The following DHX15 variants were observed in gnomAD, a reference collection of about 807,000 sequenced individuals.
DHX15 encodes the protein DEAH-box helicase 15, also known as ATP-dependent RNA helicase DHX15.
In DHX15, 11 loss-of-function variants were observed where a neutral mutation model predicts 94.4. That is an observed-to-expected ratio of 0.12 (90% CI 0.07 to 0.19). The LOEUF is 0.19. Among genes scored for constraint, DHX15 ranks in the 10% least tolerant of loss-of-function variants. DHX15 has a pLI of 1.00. For synonymous variants in DHX15, 338 were observed against 329.9 expected, an observed-to-expected ratio of 1.02 and a Z score of -0.27; for missense variants, 304 against 988.5, an observed-to-expected ratio of 0.31 and a Z score of 9.29.
Position 24,576,297 on chromosome 4 carries a change from A to T in DHX15, c.453T>A (p.Val151=). The T allele has an allele frequency of 6.2e-7, 1 of 1,614,226 alleles. No individual in the cohort carries two copies. Among genetic ancestry groups the T allele is most frequent in the Non-Finnish European group, 8.5e-7 (1 of 1,180,040 alleles). ...CAACCAGTACAAAGGACTGATGTCT[A>T]ACCAGAATATCTGTAAACCTATCCT... ...EYKDRFTDIL[V]RHQSFVLVGE... The change falls in exon 2 of 14, where the codon GTT becomes GTA. Residue 151 remains valine, a synonymous_variant. Coordinates refer to ENST00000336812, the MANE Select transcript of DHX15 (RefSeq NM_001358.3).
chr4:24,556,130 C>CTTACTA (rs968732057), intron 4 of DHX15, 121 bp downstream of exon 4: 37 of 712,520 alleles, frequency 5.2e-5, no homozygotes, highest in Non-Finnish European at 7.4e-5. Flanking sequence ...CAAGAAGGTA[C>CTTACTA]TTACTAGTTC....
chr4:24,528,151 T>C, intron 13 of DHX15, 110 bp from the exon 14 acceptor site: 1 of 677,492 alleles, frequency 1.5e-6, no homozygotes. Flanking sequence ...AAGGCAAATC[T>C]ATGAATTCAA....
intron 3 of DHX15, 52 bp from the exon 4 acceptor site, chr4:24,556,462 C>A (rs1721740169): frequency 1.4e-6 from 2 of 1,453,154 alleles, no homozygotes; most frequent in South Asian, 1.4e-5. Context: ...CATTTTAAAA[C>A]CAAACTTCGT....
At chr4:24,568,531 A>G (rs1230369303) in intron 3 of DHX15, among the ~76,000 whole-genome samples, 1 of 152,204 alleles carries the variant, frequency 6.6e-6, no homozygotes, top group Non-Finnish European at 1.5e-5. Context: ...AAAATCTGTT[A>G]CTTGTCATTC....
chr4:24,582,028 C>G (rs968627179), intron 1 of DHX15, among the ~76,000 whole-genome samples: 6 of 152,062 alleles, frequency 3.9e-5, no homozygotes, highest in Non-Finnish European at 8.8e-5. Flanking sequence ...GTTTGTAAGA[C>G]TGACAAGCTT....
At chr4:24,541,258 A>G (rs1721303064) in intron 8 of DHX15, among the ~76,000 whole-genome samples, 1 of 152,162 alleles carries the variant, frequency 6.6e-6, no homozygotes, top group South Asian at 2.1e-4. Flanking sequence ...AAAAAATTTT[A>G]AAGATTCCAG....
intron 6 of DHX15, among the ~76,000 whole-genome samples, chr4:24,547,400 AAC>A (rs1438784719): frequency 6.6e-6 from 1 of 152,208 alleles, no homozygotes; most frequent in Non-Finnish European, 1.5e-5. Context: ...AAGGATTTAA[AAC>A]ACAAAAAGCA....
At chr4:24,575,954 A>G (rs187389042) in intron 2 of DHX15, among the ~76,000 whole-genome samples, 13 of 152,338 alleles carry the variant, frequency 8.5e-5, no homozygotes, top group African/African-American at 3.1e-4. Flanking sequence ...ACCAGAAAAC[A>G]AACTGTGGGT....
intron 5 of DHX15, among the ~76,000 whole-genome samples, chr4:24,553,277 C>T (rs988955346): frequency 2.6e-4 from 39 of 151,738 alleles, no homozygotes; most frequent in African/African-American, 7.5e-4. Flanking sequence ...GCCGAGATCG[C>T]GCCACTGCAC....
chr4:24,568,855 C>T (rs955872522), intron 3 of DHX15, among the ~76,000 whole-genome samples: 1 of 152,198 alleles, frequency 6.6e-6, no homozygotes, highest in Non-Finnish European at 1.5e-5. Flanking sequence ...GTCAATTATA[C>T]TGTAATTACC....
chr4:24,578,599 T>A (rs1044705224), intron 1 of DHX15, among the ~76,000 whole-genome samples: 7 of 152,174 alleles, frequency 4.6e-5, no homozygotes, highest in African/African-American at 1.7e-4. Context: ...TCTTGCTCCA[T>A]TACCCGGGTT....
In DHX15 at chr4:24,561,115, T is replaced by C. The variant is rs372983363; in HGVS notation, c.702-4705A>G. Among the ~76,000 whole-genome samples the C allele has an allele frequency of 3.2e-4, 49 of 152,332 alleles. 1 individual carries two copies. In the East Asian group the frequency reaches 7.3e-3, roughly 23 times the overall value. On this transcript the variant is annotated intron_variant, in intron 3 of 13. Transcript: ENST00000336812. ...CAGATGTGTATGCGTGAAAAAAATG[T>C]GTGTACAAGTTTGTAAGAGGATACG...
At chr4:24,542,104 G>A (rs755544039) in intron 7 of DHX15, 82 bp from the exon 8 acceptor site, 9 of 1,168,104 alleles carry the variant, frequency 7.7e-6, no homozygotes, top group Non-Finnish European at 1.1e-5. Flanking sequence ...AAAGCCCACA[G>A]TTAATTCCAA....
chr4:24,534,770 T>C (rs1198056380), intron 11 of DHX15, among the ~76,000 whole-genome samples: 1 of 152,158 alleles, frequency 6.6e-6, no homozygotes, highest in African/African-American at 2.4e-5. Context: ...TAATCAACTA[T>C]TGTCTCTAAT....
chr4:24,550,025 A>G (rs1721553728), intron 5 of DHX15, among the ~76,000 whole-genome samples: 1 of 143,772 alleles, frequency 7.0e-6, no homozygotes, highest in African/African-American at 2.6e-5. Context: ...CCCGGGACGC[A>G]GGAGGTTGCA....
chr4:24,582,853 G>A (rs1255573391), intron 1 of DHX15, among the ~76,000 whole-genome samples: 1 of 152,194 alleles, frequency 6.6e-6, no homozygotes, highest in Non-Finnish European at 1.5e-5. Context: ...AATGGTGGGG[G>A]AGGGTGATAG....
chr4:24,547,506 C>T (rs950290335), intron 6 of DHX15, among the ~76,000 whole-genome samples: 1 of 152,154 alleles, frequency 6.6e-6, no homozygotes, highest in Non-Finnish European at 1.5e-5. Context: ...CAAAGAAGAA[C>T]TCAATGAAAC....
chr4:24,565,860 ACAACCCTAT>A (rs1279533869), intron 3 of DHX15, among the ~76,000 whole-genome samples: 1 of 152,156 alleles, frequency 6.6e-6, no homozygotes, highest in African/African-American at 2.4e-5. Context: ...TGATCTCAGA[ACAACCCTAT>A]CAGGTAGTTA....
chr4:24,534,403 C>A (rs1721151353), intron 11 of DHX15, among the ~76,000 whole-genome samples: 1 of 152,228 alleles, frequency 6.6e-6, no homozygotes, highest in Admixed American at 6.5e-5. Context: ...TCATGTACTA[C>A]AGATGGAAAA....
Sources: gnomAD v4.1 joint callset for allele counts (sites outside exome capture counted in the v4.1 genomes callset) on GRCh38, gnomAD v4.1.1 for gene constraint, MANE v1.5 for transcripts, NCBI Gene and HGNC (gene_info 2026-07-23, HGNC 2026-07-21) for gene names.